AFF3: variants seen among roughly 807,000 people sequenced by gnomAD.
AFF3 encodes ALF transcription elongation factor 3, also known as AF4/FMR2 family member 3.
In AFF3, 32 loss-of-function variants were observed where a neutral mutation model predicts 129.7. That is an observed-to-expected ratio of 0.25 (90% CI 0.19 to 0.33). AFF3 has a LOEUF of 0.33. Ranked by LOEUF, AFF3 falls within the 10% of genes least tolerant of loss-of-function variation. AFF3 has a pLI of 1.00. For synonymous variants in AFF3, 644 were observed against 635.4 expected (o/e 1.01, Z -0.20); for missense variants, 1,373 against 1,592.0 (o/e 0.86, Z 2.34).
intron 8 of AFF3, among the ~76,000 whole-genome samples, chr2:99,812,003 T>C (rs935595783): frequency 2.2e-4 from 34 of 152,258 alleles, no homozygotes; most frequent in Admixed American, 9.8e-4. Flanking sequence ...TAAAGCTGCA[T>C]TGTTTCAATA....
intron 4 of AFF3, among the ~76,000 whole-genome samples, chr2:100,044,909 C>T (rs1210890969): frequency 1.3e-5 from 2 of 152,066 alleles, no homozygotes; most frequent in Non-Finnish European, 2.9e-5. Flanking sequence ...CGCTGTCCAG[C>T]AAGTCAGACC....
chr2:99,724,866 C>T (rs13029762), intron 11 of AFF3, among the ~76,000 whole-genome samples: 227 of 152,272 alleles, frequency 1.5e-3, no homozygotes, highest in Middle Eastern at 0.01. Flanking sequence ...GCCTAAGAAA[C>T]CGTTTTGCTC....
intron 8 of AFF3, among the ~76,000 whole-genome samples, chr2:99,762,600 A>G (rs1003690952): frequency 1.3e-5 from 2 of 152,192 alleles, no homozygotes; most frequent in African/African-American, 4.8e-5. Flanking sequence ...GGTCAGAATA[A>G]TAGGAATTAA....
At chr2:100,016,723 C>A (rs957464347) in intron 4 of AFF3, among the ~76,000 whole-genome samples, 2 of 130,332 alleles carry the variant, frequency 1.5e-5, no homozygotes, top group Non-Finnish European at 3.3e-5. Context: ...ATGGTGGTAG[C>A]GATGGTGATA....
At chr2:100,024,240 A>AG (rs1418680518) in intron 4 of AFF3, among the ~76,000 whole-genome samples, 295 of 146,206 alleles carry the variant, frequency 2.0e-3, no homozygotes, top group Non-Finnish European at 3.7e-3. Context: ...TCAAAAAAAA[A>AG]AAAAAAAAAA....
At chr2:99,879,464 C>T (rs780978753) in intron 7 of AFF3, among the ~76,000 whole-genome samples, 13 of 152,156 alleles carry the variant, frequency 8.5e-5, no homozygotes, top group East Asian at 1.9e-4. Context: ...AAAACTACAG[C>T]GTGTGTATCA....
At chr2:99,742,335 C>T (rs150414272) in intron 10 of AFF3, among the ~76,000 whole-genome samples, 1 of 152,064 alleles carries the variant, frequency 6.6e-6, no homozygotes, top group African/African-American at 2.4e-5. Context: ...CAGAGCAAGA[C>T]CTTGTCTCAA....
At chr2:99,895,268 C>T (rs920605986) in intron 7 of AFF3, among the ~76,000 whole-genome samples, 1 of 152,178 alleles carries the variant, frequency 6.6e-6, no homozygotes, top group African/African-American at 2.4e-5. Context: ...AAAGACAATG[C>T]CTGTGTCCAA....
At chr2:99,840,774 G>A (rs961814527) in intron 7 of AFF3, among the ~76,000 whole-genome samples, 1 of 152,186 alleles carries the variant, frequency 6.6e-6, no homozygotes, top group Non-Finnish European at 1.5e-5. Flanking sequence ...GGAAGCCTGA[G>A]GTGACCATCA....
chr2:100,141,646 A>G (rs1250411270), intron 1 of AFF3, among the ~76,000 whole-genome samples: 1 of 152,234 alleles, frequency 6.6e-6, no homozygotes, highest in Non-Finnish European at 1.5e-5. Context: ...ACATGTGTAG[A>G]CATATTTCAT....
At chr2:99,820,678 A>G (rs1461925477) in intron 8 of AFF3, among the ~76,000 whole-genome samples, 1 of 141,328 alleles carries the variant, frequency 7.1e-6, no homozygotes, top group Admixed American at 7.2e-5. Context: ...CACTTAAAAC[A>G]CAAACACATT....
At chr2:99,740,139 A>T (rs1335849310) in intron 10 of AFF3, among the ~76,000 whole-genome samples, 1 of 151,646 alleles carries the variant, frequency 6.6e-6, no homozygotes, top group African/African-American at 2.4e-5. Flanking sequence ...AAAGGACGTG[A>T]ACTCATCATT....
chr2:100,133,684 G>A (rs998291961), intron 1 of AFF3, among the ~76,000 whole-genome samples: 12 of 152,140 alleles, frequency 7.9e-5, no homozygotes, highest in Non-Finnish European at 1.6e-4. Context: ...TGTAATCCCA[G>A]CACTTTGGGA....
intron 7 of AFF3, among the ~76,000 whole-genome samples, chr2:99,987,030 A>T (rs1015643245): frequency 1.7e-4 from 26 of 152,180 alleles, no homozygotes; most frequent in Non-Finnish European, 2.8e-4. Context: ...AAACGTAATC[A>T]CACACACTTT....
chr2:99,604,760 T>G (rs1418405413), intron 13 of AFF3, among the ~76,000 whole-genome samples: 2 of 152,204 alleles, frequency 1.3e-5, no homozygotes, highest in African/African-American at 2.4e-5. Context: ...GACATAGATG[T>G]GGAGGAAAGA....
intron 12 of AFF3, among the ~76,000 whole-genome samples, chr2:99,663,248 A>G (rs1455882279): frequency 1.3e-5 from 2 of 152,194 alleles, no homozygotes; most frequent in Non-Finnish European, 2.9e-5. Flanking sequence ...CCCAAAACTG[A>G]TGTGAGTCAT....
chr2:99,917,329 C>A (rs1190822588), intron 7 of AFF3, among the ~76,000 whole-genome samples: 2 of 152,154 alleles, frequency 1.3e-5, no homozygotes, highest in Non-Finnish European at 2.9e-5. Context: ...CACCCAGAAG[C>A]CAGAGGGCAG....
chr2:100,059,328 A>G (rs1291765189), intron 4 of AFF3, among the ~76,000 whole-genome samples: 1 of 151,400 alleles, frequency 6.6e-6, no homozygotes, highest in African/African-American at 2.4e-5. Flanking sequence ...ATGAATGGCA[A>G]ATAAGCACAG....
At chr2:100,135,020 A>T (rs1038666374) in intron 1 of AFF3, among the ~76,000 whole-genome samples, 13 of 152,188 alleles carry the variant, frequency 8.5e-5, no homozygotes, top group African/African-American at 2.4e-4. Flanking sequence ...GCATCTGGGG[A>T]AGAGCTCCAA....
Sources: allele counts gnomAD v4.1 joint callset (sites outside exome capture counted in the v4.1 genomes callset), GRCh38; gene constraint gnomAD v4.1.1; transcripts MANE v1.5; gene names NCBI Gene and HGNC (gene_info 2026-07-23, HGNC 2026-07-21).